Variants in NIBAN3 observed in about 807,000 individuals in gnomAD.
NIBAN3 encodes protein Niban 3.
A neutral mutation model predicts 76.4 loss-of-function variants in NIBAN3; 66 were observed. The observed-to-expected ratio is 0.86, with a 90% CI of 0.71 to 1.06. The LOEUF is 1.06. Ranked by LOEUF, NIBAN3 falls within the 50% of genes least tolerant of loss-of-function variation. The pLI, the probability that NIBAN3 is intolerant of heterozygous loss-of-function variation, is 0.00. For synonymous variants in NIBAN3, 360 were observed against 355.2 expected (o/e 1.01, Z -0.15); for missense variants, 808 against 810.7 (o/e 1.00, Z 0.04).
In NIBAN3 at chr19:17,540,450, C is replaced by A; in HGVS notation, c.1038C>A (p.Pro346=). The part of the protein sequence containing the change: ...CLRREVDPQL[P]RVVQTLLRTV... ...GCCGGGAGGTGGACCCGCAGCTGCC[C>A]CGGGTCGTGCAGACCCTGCTGCGCA... Residue 346 remains proline (P), a synonymous_variant, in exon 9 of 15, where the codon CCC becomes CCA. Coordinates refer to ENST00000599164, the MANE Select transcript of NIBAN3 (RefSeq NM_001321827.2). 6.4e-7 allele frequency: 1 copy of A among 1,571,012 alleles called. No individual in the cohort carries two copies. Among genetic ancestry groups the A allele is most frequent in the Non-Finnish European group, 8.6e-7 (1 of 1,158,260 alleles).
chr19:17,546,789 T>A lies in NIBAN3; in HGVS notation c.1658T>A (p.Ile553Asn). 6.3e-7 allele frequency: 1 copy of A among 1,596,358 alleles called. No homozygotes were observed. The highest frequency in any genetic ancestry group is 8.5e-7 in the Non-Finnish European group (1 of 1,172,388). The part of the protein sequence containing the change: ...DVIRGCLLQR[I>N]DQELKKTLGA... ...ATCCGGGGGTGCTTGCTGCAGAGGA[T>A]TGACCAAGGTGAGTCCCGCCCTGCC... Residue 553 changes from isoleucine (I) to asparagine (N), a missense_variant, in exon 13 of 15, where the codon ATT (isoleucine) becomes AAT (asparagine). By Grantham distance (149) the Ile-to-Asn change is moderately radical (BLOSUM62 -3). Transcript: ENST00000599164.
intron 1 of NIBAN3, among the ~76,000 whole-genome samples, chr19:17,529,387 T>C (rs955974879): frequency 6.6e-6 from 1 of 151,908 alleles, no homozygotes; most frequent in Admixed American, 6.6e-5. Context: ...GGCTCTGCCA[T>C]GTGTGGATTC....
intron 12 of NIBAN3, chr19:17,545,945 G>T: frequency 2.3e-6 from 1 of 441,798 alleles, no homozygotes; most frequent in South Asian, 1.6e-5. Flanking sequence ...TTCCCGGTCT[G>T]CTAAGTAGCC....
chr19:17,550,843 CTT>C lies in NIBAN3; in HGVS notation c.1751-921_1751-920del, dbSNP rs10690901. Among the ~76,000 whole-genome samples, 82 of 91,552 alleles carry C rather than the reference CTT, an allele frequency of 9.0e-4. 1 individual carries two copies. Among genetic ancestry groups the C allele is most frequent in the East Asian group, 1.7e-3 (5 of 2,976 alleles). 60.1% of individuals were successfully genotyped at this position (91,552 alleles called of 152,430 possible). A position where few individuals can be genotyped will look rare whatever the true frequency, so the allele number is the denominator to read the frequency against. ...GCCACAGGGATTAATCTTGTACATA[CTT>C]TTTTTTTTTTTTTTTTTTTTTCAAA... On this transcript the variant is annotated intron_variant, in intron 14 of 14. Transcript: ENST00000599164.
chr19:17,549,337 CTT>C, intron 13 of NIBAN3, 105 bp from the exon 14 acceptor site: 1 of 810,130 alleles, frequency 1.2e-6, no homozygotes. Flanking sequence ...TGAGCCACCT[CTT>C]TAGGATTTCT....
Position 17,548,941 on chromosome 19 carries a change from T to G in NIBAN3, c.1667-503T>G, listed in dbSNP as rs898066945. 1.3e-4 allele frequency among the ~76,000 whole-genome samples: 19 copies of G among 151,820 alleles called. No homozygotes were observed. The South Asian group carries it at 1.7e-3, about 13-fold the overall frequency. ...ACTCCATCTCAAAAAAAAGTTGTTTTTTTTTTTTTAAATAAGGTGAGGTCA... is the reference window on the plus strand; with the variant it reads ...ACTCCATCTCAAAAAAAAGTTGTTTGTTTTTTTTTAAATAAGGTGAGGTCA... On this transcript the variant is annotated intron_variant, in intron 13 of 14. Coordinates refer to ENST00000599164, the MANE Select transcript of NIBAN3 (RefSeq NM_001321827.2).
In NIBAN3 at chr19:17,537,507, C is replaced by T; in HGVS notation, c.559C>T (p.Leu187=). The change falls in exon 5 of 15, where the codon CTG becomes TTG. Residue 187 remains leucine (L), a synonymous_variant. Coordinates refer to ENST00000599164, the MANE Select transcript of NIBAN3 (RefSeq NM_001321827.2). ...ATREAQHAWR[L]ALQGGIRLQG... ...CAGGGAGGCACAGCATGCCTGGAGG[C>T]TGGCCCTGCAGGGTGGCATCCGGCT... 1 of 1,610,282 alleles carries T rather than the reference C, an allele frequency of 6.2e-7. No individual in the cohort carries two copies. The highest frequency in any genetic ancestry group is 8.5e-7 in the Non-Finnish European group (1 of 1,179,712).
In NIBAN3 at chr19:17,539,341, C is replaced by T; in HGVS notation, c.712-6C>T. On this transcript the variant is annotated splice_polypyrimidine_tract_variant and splice_region_variant and intron_variant, in intron 6 of 14. Transcript: ENST00000599164. ...ACCGCGGCGCCCATGGCCCCCTCTCCTGCAGGTGCTGACCGCGGTGCTGAT... is the reference window on the plus strand; with the variant it reads ...ACCGCGGCGCCCATGGCCCCCTCTCTTGCAGGTGCTGACCGCGGTGCTGAT... 1.9e-6 allele frequency: 3 copies of T among 1,548,382 alleles called. No homozygotes were observed. The highest frequency in any genetic ancestry group is 2.6e-6 in the Non-Finnish European group (3 of 1,147,580).
chr19:17,550,526 G>A (rs1023434090), intron 14 of NIBAN3, among the ~76,000 whole-genome samples: 1 of 152,088 alleles, frequency 6.6e-6, no homozygotes, highest in Admixed American at 6.6e-5. Flanking sequence ...AATTAGTTGG[G>A]TGTGGTGGAA....
intron 5 of NIBAN3, among the ~76,000 whole-genome samples, chr19:17,538,096 T>C (rs1227046971): frequency 6.6e-6 from 1 of 151,516 alleles, no homozygotes; most frequent in Non-Finnish European, 1.5e-5. Context: ...GCTTCCCAGA[T>C]GAGGGGAAGC....
rs895828228 is a variant in NIBAN3, at chr19:17,552,824, T to G, written c.*926T>G. ...GGCTCACGCCTGTCATCCCAGCACT[T>G]TGGGAGGCTGAGACAGGTGGATTGC... On this transcript the variant is annotated 3_prime_UTR_variant, in exon 15 of 15. Coordinates refer to ENST00000599164, the MANE Select transcript of NIBAN3 (RefSeq NM_001321827.2). 6.6e-6 allele frequency: 1 copy of G among 151,922 alleles called. No homozygotes were observed. Among genetic ancestry groups the G allele is most frequent in the African/African-American group, 2.4e-5 (1 of 41,304 alleles). 9.4% of individuals were successfully genotyped at this position (151,922 alleles called of 1,614,324 possible).
At chr19:17,541,758 T>G (rs1452911728) in intron 9 of NIBAN3, among the ~76,000 whole-genome samples, 1 of 151,980 alleles carries the variant, frequency 6.6e-6, no homozygotes, top group Non-Finnish European at 1.5e-5. Context: ...GGTGCGATCT[T>G]GGCTCACTGC....
rs139185258 is a variant in NIBAN3, at chr19:17,545,929, C to T, written c.1555-757C>T. ...CTAAACTCCCCCGGAGAAAAGGAGACTCCCTTTCCCGGTCTGCTAAGTAGC... is the reference window on the plus strand; with the variant it reads ...CTAAACTCCCCCGGAGAAAAGGAGATTCCCTTTCCCGGTCTGCTAAGTAGC... On this transcript the variant is annotated intron_variant, in intron 12 of 14. Transcript: ENST00000599164. 721 of 436,938 alleles carry T rather than the reference C, an allele frequency of 1.7e-3. 13 individuals are homozygous for T. The East Asian group carries it at 0.038, about 23-fold the overall frequency. The allele number at this position is 436,938 out of a possible 1,614,324, so 27.1% of individuals were successfully genotyped here.
chr19:17,528,565 G>A (rs1447994555), intron 1 of NIBAN3, among the ~76,000 whole-genome samples: 1 of 152,136 alleles, frequency 6.6e-6, no homozygotes, highest in Non-Finnish European at 1.5e-5. Context: ...GGGGATGGAG[G>A]CTCAGTTCCC....
chr19:17,537,334 T>G (rs1365578397), intron 4 of NIBAN3, 42 bp from the exon 5 acceptor site: 1 of 1,590,448 alleles, frequency 6.3e-7, no homozygotes, highest in Admixed American at 1.7e-5. Context: ...TTTCTCCTAG[T>G]GAATGAACGT....
At chr19:17,536,866 A>G (rs1247322642) in intron 4 of NIBAN3, among the ~76,000 whole-genome samples, 1 of 152,126 alleles carries the variant, frequency 6.6e-6, no homozygotes, top group African/African-American at 2.4e-5. Flanking sequence ...GCTGGGCACA[A>G]TGGCTCACAC....
chr19:17,543,583 C>T lies in NIBAN3; in HGVS notation c.1506C>T (p.Cys502=). ...GGTTCATCCGAGGCTGGGGTCTCTG[C>T]ATCTTTTTACCTTTTGTGCTGAGCC... ...QRRFIRGWGL[C]IFLPFVLSQL... Residue 502 remains cysteine (C), a synonymous_variant, in exon 12 of 15, where the codon TGC becomes TGT. Coordinates refer to ENST00000599164, the MANE Select transcript of NIBAN3 (RefSeq NM_001321827.2). 1 of 1,614,150 alleles carries T rather than the reference C, an allele frequency of 6.2e-7. No individual in the cohort carries two copies. Among genetic ancestry groups the T allele is most frequent in the Non-Finnish European group, 8.5e-7 (1 of 1,180,012 alleles).
At chr19:17,533,898 G>A (rs2075777175) in intron 4 of NIBAN3, among the ~76,000 whole-genome samples, 197 bp downstream of exon 4, 1 of 152,186 alleles carries the variant, frequency 6.6e-6, no homozygotes, top group Non-Finnish European at 1.5e-5. Context: ...GCATTGCCAA[G>A]TGTCTCCCGG....
At chr19:17,543,063 C>A (rs1488945864) in intron 10 of NIBAN3, among the ~76,000 whole-genome samples, 1 of 152,206 alleles carries the variant, frequency 6.6e-6, no homozygotes, top group East Asian at 1.9e-4. Flanking sequence ...CCCTACTCCC[C>A]ATTCTGGGCA....
Sources: allele counts gnomAD v4.1 joint callset (sites outside exome capture counted in the v4.1 genomes callset), GRCh38; gene constraint gnomAD v4.1.1; transcripts MANE v1.5; gene names NCBI Gene and HGNC (gene_info 2026-07-23, HGNC 2026-07-21).